SHISA9: variants seen among roughly 807,000 people sequenced by gnomAD.
SHISA9 encodes the protein protein shisa-9.
SHISA9 carries 13 observed loss-of-function variants against 38.0 expected under a neutral mutation model. The observed-to-expected ratio is 0.34, with a 90% CI of 0.22 to 0.54. The LOEUF (loss-of-function observed/expected upper bound fraction) is 0.54. SHISA9 is among the 20% of genes least tolerant of loss of function. SHISA9 has a pLI of 0.91. For missense variants in SHISA9, 538 were observed against 575.8 expected (o/e 0.93, Z 0.67); for synonymous variants, 275 against 242.0 (o/e 1.14, Z -1.27).
the SHISA9 span, among the ~76,000 whole-genome samples, chr16:13,450,089 C>T: frequency 6.6e-6 from 1 of 152,126 alleles, no homozygotes; most frequent in African/African-American, 2.4e-5. Flanking sequence ...TGCACTCCAA[C>T]CTGAGTGATA....
chr16:12,925,663 A>C (rs2071384879), intron 2 of SHISA9, among the ~76,000 whole-genome samples: 1 of 152,208 alleles, frequency 6.6e-6, no homozygotes, highest in Non-Finnish European at 1.5e-5. Context: ...TGCTCAACAC[A>C]GTGTCTGGTT....
At chr16:13,026,326 T>C (rs1309656241) in intron 2 of SHISA9, among the ~76,000 whole-genome samples, 1 of 152,250 alleles carries the variant, frequency 6.6e-6, no homozygotes, top group Admixed American at 6.5e-5. Context: ...TCATGCAGCA[T>C]TTGTCCCTTT....
chr16:13,049,286 G>C (rs1201009554), intron 2 of SHISA9, among the ~76,000 whole-genome samples: 1 of 151,574 alleles, frequency 6.6e-6, no homozygotes, highest in African/African-American at 2.4e-5. Flanking sequence ...TTCATTTCTG[G>C]CAAGTTGAAG....
At chr16:13,162,812 TAA>T (rs1391414029) in intron 2 of SHISA9, among the ~76,000 whole-genome samples, 1 of 149,606 alleles carries the variant, frequency 6.7e-6, no homozygotes, top group Non-Finnish European at 1.5e-5. Flanking sequence ...GAAAGCAAAT[TAA>T]GTTAGTCATT....
intron 2 of SHISA9, among the ~76,000 whole-genome samples, chr16:13,042,297 C>T (rs2073141391): frequency 6.6e-6 from 1 of 152,180 alleles, no homozygotes; most frequent in South Asian, 2.1e-4. Context: ...AAGACTGAAA[C>T]CATGCTTGTG....
intron 2 of SHISA9, among the ~76,000 whole-genome samples, chr16:12,959,578 G>A (rs2071882132): frequency 6.7e-6 from 1 of 149,426 alleles, no homozygotes; most frequent in Admixed American, 6.7e-5. Flanking sequence ...TTGAGACACG[G>A]GCTTCCCTCT....
intron 1 of SHISA9, among the ~76,000 whole-genome samples, chr16:12,904,982 T>G (rs1232676660): frequency 6.6e-6 from 1 of 152,134 alleles, no homozygotes; most frequent in African/African-American, 2.4e-5. Flanking sequence ...CCTCCCAAAG[T>G]GCTAGGACTA....
chr16:13,377,741 T>C, the SHISA9 span, among the ~76,000 whole-genome samples: 3 of 152,138 alleles, frequency 2.0e-5, no homozygotes, highest in East Asian at 1.9e-4. Flanking sequence ...ATAGCATTTA[T>C]GCAAGGCCGG....
intron 2 of SHISA9, among the ~76,000 whole-genome samples, chr16:12,994,035 A>C (rs1290443378): frequency 6.6e-6 from 1 of 151,932 alleles, no homozygotes; most frequent in Non-Finnish European, 1.5e-5. Context: ...CTGGCTAAAA[A>C]CCCCAGAGCT....
the SHISA9 span, among the ~76,000 whole-genome samples, chr16:13,492,126 G>A: frequency 1.3e-5 from 2 of 151,910 alleles, no homozygotes; most frequent in South Asian, 2.1e-4. Flanking sequence ...GGAGCATCAG[G>A]CAAGGCTCTC....
At chr16:13,027,565 T>C (rs531179342) in intron 2 of SHISA9, among the ~76,000 whole-genome samples, 41 of 152,158 alleles carry the variant, frequency 2.7e-4, no homozygotes, top group African/African-American at 9.6e-4. Context: ...GGAGAATGAA[T>C]AAACAAACTG....
chr16:13,339,598 T>C, the SHISA9 span, among the ~76,000 whole-genome samples: 3 of 152,270 alleles, frequency 2.0e-5, no homozygotes, highest in South Asian at 4.1e-4. Context: ...ATACCCATAG[T>C]AGATTTTTCC....
At chr16:13,204,174 C>T (rs1221494664) in intron 3 of SHISA9, among the ~76,000 whole-genome samples, 2 of 143,020 alleles carry the variant, frequency 1.4e-5, no homozygotes, top group South Asian at 2.2e-4. Flanking sequence ...ATCTATTTAT[C>T]TATCATCTTT....
intron 2 of SHISA9, among the ~76,000 whole-genome samples, chr16:13,158,544 C>G (rs908809308): frequency 2.6e-5 from 4 of 152,168 alleles, no homozygotes; most frequent in Non-Finnish European, 1.5e-5. Context: ...CTCAAGATGG[C>G]TTATTCACTG....
chr16:13,430,519 G>A, the SHISA9 span, among the ~76,000 whole-genome samples: 4 of 152,046 alleles, frequency 2.6e-5, no homozygotes, highest in South Asian at 2.1e-4. Context: ...ACCCTTACCC[G>A]GTGGGTTTTC....
intron 2 of SHISA9, among the ~76,000 whole-genome samples, chr16:13,120,641 G>A (rs757790752): frequency 1.3e-5 from 2 of 152,208 alleles, no homozygotes; most frequent in Non-Finnish European, 2.9e-5. Context: ...TGCTGAGAGA[G>A]AGAAATAGCC....
chr16:13,407,070 C>CAAAAAA, the SHISA9 span, among the ~76,000 whole-genome samples: 8 of 45,616 alleles, frequency 1.8e-4, no homozygotes, highest in African/African-American at 5.3e-4. Flanking sequence ...CTCTGTCTCA[C>CAAAAAA]AAAAAAAAAA....
At chr16:13,117,622 C>T (rs989522570) in intron 2 of SHISA9, among the ~76,000 whole-genome samples, 7 of 152,138 alleles carry the variant, frequency 4.6e-5, no homozygotes, top group South Asian at 2.1e-4. Context: ...TGTGACCACA[C>T]GGCAGAGATC....
the SHISA9 span, among the ~76,000 whole-genome samples, chr16:13,404,266 T>C: frequency 4.6e-5 from 7 of 152,190 alleles, no homozygotes; most frequent in African/African-American, 7.2e-5. Flanking sequence ...TCACAGAGAT[T>C]ACAGTCTAGT....
Sources: gnomAD v4.1 joint callset for allele counts (sites outside exome capture counted in the v4.1 genomes callset) on GRCh38, gnomAD v4.1.1 for gene constraint, MANE v1.5 for transcripts, NCBI Gene and HGNC (gene_info 2026-07-23, HGNC 2026-07-21) for gene names.